Variants in APBB3 observed in about 807,000 individuals in gnomAD.
APBB3 encodes amyloid-beta A4 precursor protein-binding family B member 3.
APBB3 carries 50 observed loss-of-function variants against 61.5 expected under a neutral mutation model. That is an observed-to-expected ratio of 0.81 (90% CI 0.65 to 1.03). The LOEUF is 1.03. APBB3 is among the 50% of genes least tolerant of loss of function. The pLI, the probability that APBB3 is intolerant of heterozygous loss-of-function variation, is 0.00. For missense variants in APBB3, 550 were observed against 637.4 expected (o/e 0.86, Z 1.48); for synonymous variants, 235 against 233.0 (o/e 1.01, Z -0.08).
Position 140,560,916 on chromosome 5 carries a change from C to A in APBB3, c.916+102G>T. 6.9e-7 allele frequency: 1 copy of A among 1,440,294 alleles called. No homozygotes were observed. Among genetic ancestry groups the A allele is most frequent in the South Asian group, 1.2e-5 (1 of 83,542 alleles). The allele number at this position is 1,440,294 out of a possible 1,614,324, so 89.2% of individuals were successfully genotyped here. The stretch of plus-strand genomic sequence containing the variant: ...AAGGCTGGTAGACCCCAGGCCATAA[C>A]AAGGCCACGGGAGGACTCTTGAGAA... On this transcript the variant is annotated intron_variant, in intron 10 of 12. Transcript: ENST00000357560. The surrounding 1 kb of genome is among the most constrained non-coding windows in gnomAD (Gnocchi z 5.1).
At position 140,564,427 on chromosome 5, in the gene APBB3, G is replaced by T. The variant is rs1755123548; in HGVS notation, c.-182C>A. On this transcript the variant is annotated 5_prime_UTR_variant, in exon 1 of 13. Transcript: ENST00000357560. The surrounding 1 kb of genome is among the most constrained non-coding windows in gnomAD (Gnocchi z 5.0). ...GGGCCGGTCCCGGGGGAGGGCCTGA[G>T]CCGCACAGCCCGCCCAGGGGTGGTG... 1.5e-6 allele frequency: 1 copy of T among 672,622 alleles called. No individual in the cohort carries two copies. Among genetic ancestry groups the T allele is most frequent in the African/African-American group, 1.8e-5 (1 of 54,566 alleles). 41.7% of individuals were successfully genotyped at this position (672,622 alleles called of 1,614,324 possible).
At position 140,562,163 on chromosome 5, in the gene APBB3, C is replaced by G; in HGVS notation, c.563G>C (p.Ser188Thr). ...AMSLVNPLDH[S>T]LIHCQPLVHI... ...CACCAGAGGCTGGCAGTGGATCAGA[C>G]TGTGGTCCAGGGGATTCACTAGGCT... The change falls in exon 6 of 13, where the codon AGT becomes ACT. Residue 188 changes from serine (S) to threonine (T), a missense_variant. This residue lies in a region of APBB3 where 405 missense variants were observed against 483.4 expected (regional missense o/e 0.84). Transcript: ENST00000357560. 1.2e-6 allele frequency: 2 copies of G among 1,614,220 alleles called. No homozygotes were observed. Among genetic ancestry groups the G allele is most frequent in the Non-Finnish European group, 1.7e-6 (2 of 1,180,042 alleles).
intron 7 of APBB3, 67 bp downstream of exon 7, chr5:140,561,772 CAGGCT>C: frequency 6.2e-7 from 1 of 1,614,000 alleles, no homozygotes; most frequent in Non-Finnish European, 8.5e-7. Flanking sequence ...GCTGGAAAGT[CAGGCT>C]AGGGATATAG....
Position 140,563,886 on chromosome 5 carries a change from C to A in APBB3, c.79G>T (p.Val27Leu). ...DDLWGDHSLE[V>L]EAGLPPGWRK... ...CAGCCAGGAGGCAGGCCAGCCTCCA[C>A]CTCCAGACTGTGGTCCCCCCACAAG... Residue 27 changes from valine to leucine, a missense_variant, in exon 2 of 13, where the codon GTG (valine) becomes TTG (leucine). Coordinates refer to ENST00000357560, the MANE Select transcript of APBB3 (RefSeq NM_133173.3). 9.9e-6 allele frequency: 16 copies of A among 1,614,078 alleles called. No individual in the cohort carries two copies. The highest frequency in any genetic ancestry group is 1.4e-5 in the Non-Finnish European group (16 of 1,180,010).
rs1754962730 is a variant in APBB3 at position 140,561,716 on chromosome 5, G to A, written c.633-15C>T. 1 of 1,614,102 alleles carries A rather than the reference G, an allele frequency of 6.2e-7. No homozygotes were observed. Among genetic ancestry groups the A allele is most frequent in the South Asian group, 1.1e-5 (1 of 91,096 alleles). On this transcript the variant is annotated splice_polypyrimidine_tract_variant and intron_variant, in intron 7 of 12. Transcript: ENST00000357560. The stretch of plus-strand genomic sequence containing the variant: ...AAGCGAAGTCCCTAGCAGGGGCAGA[G>A]ATGGGGCTGGGGTAGAAGCTGGTTA...
chr5:140,563,490 T>C, intron 3 of APBB3, 104 bp downstream of exon 3: 1 of 1,376,390 alleles, frequency 7.3e-7, no homozygotes, highest in Non-Finnish European at 1.0e-6. Context: ...CCAAAACATG[T>C]GACAGAATCC....
chr5:140,563,656 G>A lies in APBB3; in HGVS notation c.228C>T (p.Ile76=). ...AEDPGTGTEG[I]WGLRPPKGRS... is the part of the protein sequence containing the mutation. The stretch of plus-strand genomic sequence containing the variant: ...TCCCTTTGGGGGGCCGCAGTCCCCA[G>A]ATCCCCTCCGTTCCCTGTAGAGTGG... The change falls in exon 3 of 13, where the codon ATC becomes ATT. Residue 76 remains isoleucine, a synonymous_variant. Coordinates refer to ENST00000357560, the MANE Select transcript of APBB3 (RefSeq NM_133173.3). The A allele has an allele frequency of 6.2e-7, 1 of 1,614,202 alleles. No homozygotes were observed. Among genetic ancestry groups the A allele is most frequent in the Non-Finnish European group, 8.5e-7 (1 of 1,180,034 alleles).
At position 140,564,434 on chromosome 5, in the gene APBB3, A is replaced by G; in HGVS notation, c.-189T>C. 1 of 645,456 alleles carries G rather than the reference A, an allele frequency of 1.5e-6. No individual in the cohort carries two copies. Among genetic ancestry groups the G allele is most frequent in the Non-Finnish European group, 2.6e-6 (1 of 379,456 alleles). 40.0% of individuals were successfully genotyped at this position (645,456 alleles called of 1,614,324 possible). A position where few individuals can be genotyped will look rare whatever the true frequency, so the allele number is the denominator to read the frequency against. Reference sequence around the variant, plus strand: ...TCCCGGGGGAGGGCCTGAGCCGCACAGCCCGCCCAGGGGTGGTGCGTGTAA... The same window carrying G: ...TCCCGGGGGAGGGCCTGAGCCGCACGGCCCGCCCAGGGGTGGTGCGTGTAA... On this transcript the variant is annotated 5_prime_UTR_variant, in exon 1 of 13. Coordinates refer to ENST00000357560, the MANE Select transcript of APBB3 (RefSeq NM_133173.3). The surrounding 1 kb of genome is among the most constrained non-coding windows in gnomAD (Gnocchi z 5.0).
rs775623738 is a variant in APBB3 at position 140,561,867 on chromosome 5, G to T, written c.627-18C>A. ...ACCTGTCACTGTTCCGGAAGCATGT[G>T]GGAGCACAGAAGGGAATCAGCCCAG... On this transcript the variant is annotated intron_variant, in intron 6 of 12. Coordinates refer to ENST00000357560, the MANE Select transcript of APBB3 (RefSeq NM_133173.3). 1 of 1,613,604 alleles carries T rather than the reference G, an allele frequency of 6.2e-7. No homozygotes were observed.
In APBB3 at chr5:140,558,554, G is replaced by C; in HGVS notation, c.*31C>G. On this transcript the variant is annotated 3_prime_UTR_variant, in exon 13 of 13. Transcript: ENST00000357560. ...CGGTACAGAGTTAGGCATGGACCCA[G>C]AGCCTACTTCCCCAGCCTTCCCAGA... 1 of 1,601,934 alleles carries C rather than the reference G, an allele frequency of 6.2e-7. No homozygotes were observed. Among genetic ancestry groups the C allele is most frequent in the South Asian group, 1.1e-5 (1 of 90,818 alleles).
At chr5:140,562,938 C>T (rs1755028844) in intron 3 of APBB3, 1 of 569,646 alleles carries the variant, frequency 1.8e-6, no homozygotes. Context: ...GACCCAGACA[C>T]AGGACATAGA....
At position 140,562,815 on chromosome 5, in the gene APBB3, G is replaced by T. The variant is rs570945407; in HGVS notation, c.291-92C>A. On this transcript the variant is annotated intron_variant, in intron 3 of 12. Transcript: ENST00000357560. ...CAACTTGATAAGCACAGGATGAGGG[G>T]CAAGACCCAGAATATAGCACCAGAA... is the stretch of plus-strand genomic sequence containing the variant. The T allele has an allele frequency of 1.3e-5, 16 of 1,204,316 alleles. No individual in the cohort carries two copies. The East Asian group carries it at 3.5e-4, about 27-fold the overall frequency. 74.6% of individuals were successfully genotyped at this position (1,204,316 alleles called of 1,614,324 possible).
In APBB3 at chr5:140,564,216, G is replaced by A. The variant is rs372835086; in HGVS notation, c.30C>T (p.Ile10=). The change falls in exon 1 of 13, where the codon ATC becomes ATT. Residue 10 remains isoleucine (I), a synonymous_variant. Coordinates refer to ENST00000357560, the MANE Select transcript of APBB3 (RefSeq NM_133173.3). This position sits in a 1 kb window ranked among gnomAD's most constrained non-coding sequence, Gnocchi z 5.0. The part of the protein sequence containing the change: MLGKDYMLA[I]ILVNCDDDLW... ...GCACACCATCGCAGTTGACCAGAAT[G>A]ATGGCCAGCATGTAATCCTTGCCCA... 23 of 1,613,556 alleles carry A rather than the reference G, an allele frequency of 1.4e-5. No individual in the cohort carries two copies. The highest frequency in any genetic ancestry group is 1.9e-5 in the Non-Finnish European group (23 of 1,180,032).
chr5:140,563,421 A>C, intron 3 of APBB3, 173 bp downstream of exon 3: 1 of 713,840 alleles, frequency 1.4e-6, no homozygotes. Flanking sequence ...AGAACAAGGG[A>C]TAAAACTCAA....
Position 140,564,288 on chromosome 5 carries a change from C to A in APBB3, c.-43G>T. ...GCCAGCCTCTGCCGGCCCGCACTCT[C>A]AGCCCAGCGCGACCTCTGGAGCTAC... On this transcript the variant is annotated 5_prime_UTR_variant, in exon 1 of 13. Coordinates refer to ENST00000357560, the MANE Select transcript of APBB3 (RefSeq NM_133173.3). The surrounding 1 kb of genome is among the most constrained non-coding windows in gnomAD (Gnocchi z 5.0). 6.3e-7 allele frequency: 1 copy of A among 1,596,104 alleles called. No homozygotes were observed.
Position 140,563,828 on chromosome 5 carries a change from TAGTA to T in APBB3, c.133_136del (p.Tyr45ThrfsTer18). 6.2e-7 allele frequency: 1 copy of T among 1,614,148 alleles called. No homozygotes were observed. Among genetic ancestry groups the T allele is most frequent in the Non-Finnish European group, 8.5e-7 (1 of 1,180,024 alleles). On this transcript the variant is annotated frameshift_variant, in exon 2 of 13. Transcript: ENST00000357560. LOFTEE classifies it high-confidence loss of function. Reference sequence around the variant, plus strand: ...GGTGCTACCGCTGGGTACATGCCAGTAGTAAGTACCTGCAGCATCGTGGATCTTC... The same window carrying T: ...GGTGCTACCGCTGGGTACATGCCAGTAGTACCTGCAGCATCGTGGATCTTC...
At chr5:140,562,998 A>C in intron 3 of APBB3, 1 of 439,982 alleles carries the variant, frequency 2.3e-6, no homozygotes, top group Admixed American at 4.0e-5. Context: ...TGTAATCCCA[A>C]CACTTTGGGA....
rs774287378 is a variant in APBB3, at chr5:140,562,447, G to A, written c.404C>T (p.Ala135Val). The A allele has an allele frequency of 1.9e-6, 3 of 1,614,058 alleles. No homozygotes were observed. Among genetic ancestry groups the A allele is most frequent in the Non-Finnish European group, 8.5e-7 (1 of 1,180,036 alleles). The change falls in exon 5 of 13, where the codon GCA becomes GTA. Residue 135 changes from alanine (A) to valine (V), a missense_variant. Physicochemically the swap from Ala to Val is moderately conservative, Grantham distance 64. This residue lies in a region of APBB3 where 405 missense variants were observed against 483.4 expected (regional missense o/e 0.84). Transcript: ENST00000357560. ...GWVEVPEEDL[A>V]PGKSSIAVNN... ...GACTGCAATACTGCTCTTCCCCGGT[G>A]CCAGGTCCTCTTCAGGTACCTCTAC... is the stretch of plus-strand genomic sequence containing the variant.
intron 9 of APBB3, 100 bp from the exon 10 acceptor site, chr5:140,561,201 G>T: frequency 1.3e-6 from 2 of 1,491,192 alleles, no homozygotes; most frequent in Non-Finnish European, 1.9e-6. Context: ...GGTGCTGGTA[G>T]AAGAAATGGC....
Sources: gnomAD v4.1 joint callset for allele counts on GRCh38, gnomAD v4.1.1 for gene constraint, gnomAD v4.1.1 regional missense constraint, Gnocchi (gnomAD v3.1) non-coding constraint, MANE v1.5 for transcripts, NCBI Gene and HGNC (gene_info 2026-07-23, HGNC 2026-07-21) for gene names.